The following WDR5 variants were observed in gnomAD, a reference collection of about 807,000 sequenced individuals.
WDR5 encodes the protein WD repeat-containing protein 5.
For synonymous variants in WDR5, 144 were observed against 161.6 expected (o/e 0.89, Z 0.83); for missense variants, 187 against 416.9 (o/e 0.45, Z 4.80).
At chr9:134,154,984 C>T (rs1207632693) in intron 10 of WDR5, among the ~76,000 whole-genome samples, 1 of 152,250 alleles carries the variant, frequency 6.6e-6, no homozygotes, top group Non-Finnish European at 1.5e-5. Flanking sequence ...GGCCCTGATC[C>T]TCTGAGGGCT....
At chr9:134,156,432 A>C in intron 12 of WDR5, 74 bp from the exon 13 acceptor site, 81 of 1,389,874 alleles carry the variant, frequency 5.8e-5, no homozygotes, top group Non-Finnish European at 7.6e-5. Context: ...ATAACTGGAG[A>C]TTCTCTCCCT....
intron 7 of WDR5, among the ~76,000 whole-genome samples, chr9:134,143,504 G>T (rs991372277): frequency 6.6e-6 from 1 of 151,016 alleles, no homozygotes; most frequent in African/African-American, 2.4e-5. Flanking sequence ...TCGCACCACT[G>T]CCTGGGTGAC....
intron 9 of WDR5, 137 bp from the exon 10 acceptor site, chr9:134,154,329 G>A: frequency 1.2e-6 from 1 of 863,800 alleles, no homozygotes. Flanking sequence ...GGCGGCGAGG[G>A]GTGGTGGTGC....
rs1187480741 is a variant in WDR5 at position 134,155,704 on chromosome 9, G to A, written c.753G>A (p.Thr251=). The A allele has an allele frequency of 4.3e-6, 7 of 1,614,124 alleles. No individual in the cohort carries two copies. The highest frequency in any genetic ancestry group is 2.2e-5 in the South Asian group (2 of 91,072). The change falls in exon 12 of 14, where the codon ACG becomes ACA. Residue 251 remains threonine (T), a synonymous_variant. Transcript: ENST00000358625. ...CCCTCCTGTTTCAGTGCCTGAAGACGTACACTGGCCACAAGAATGAGAAAT... is the reference window on the plus strand; with the variant it reads ...CCCTCCTGTTTCAGTGCCTGAAGACATACACTGGCCACAAGAATGAGAAAT... ...WDYSKGKCLK[T]YTGHKNEKYC... is the part of the protein sequence containing the mutation.
chr9:134,149,080 A>T (rs1023104688), intron 8 of WDR5, among the ~76,000 whole-genome samples: 2 of 152,206 alleles, frequency 1.3e-5, no homozygotes, highest in Non-Finnish European at 2.9e-5. Context: ...GACTTCCTGC[A>T]GGGAACCCTC....
chr9:134,142,266 A>C, intron 5 of WDR5, 67 bp from the exon 6 acceptor site: 2 of 1,522,280 alleles, frequency 1.3e-6, no homozygotes, highest in Admixed American at 1.7e-5. Flanking sequence ...GACATTGATG[A>C]ATGTGACCTG....
At chr9:134,156,349 G>T (rs1286928084) in intron 12 of WDR5, among the ~76,000 whole-genome samples, 157 bp from the exon 13 acceptor site, 1 of 152,162 alleles carries the variant, frequency 6.6e-6, no homozygotes, top group Admixed American at 6.5e-5. Flanking sequence ...CTCAGGCCTG[G>T]CTGGAGGGCA....
chr9:134,148,568 G>T (rs111340397), intron 8 of WDR5, among the ~76,000 whole-genome samples: 5 of 151,732 alleles, frequency 3.3e-5, no homozygotes, highest in South Asian at 2.1e-4. Context: ...TGTCCTTGTT[G>T]TTAGGGTGGG....
chr9:134,144,710 C>T (rs1159121677), intron 7 of WDR5, among the ~76,000 whole-genome samples: 4 of 152,014 alleles, frequency 2.6e-5, no homozygotes, highest in South Asian at 2.1e-4. Flanking sequence ...CGTAGTGATG[C>T]GCACGTGTGG....
intron 5 of WDR5, 49 bp from the exon 6 acceptor site, chr9:134,142,283 AC>A (rs773532306): frequency 1.1e-5 from 18 of 1,570,658 alleles, no homozygotes; most frequent in African/African-American, 4.1e-5. Context: ...CCTGACTCTT[AC>A]GTTTGGGGAA....
intron 1 of WDR5, among the ~76,000 whole-genome samples, chr9:134,137,638 C>A (rs898318653): frequency 7.3e-6 from 1 of 137,694 alleles, no homozygotes; most frequent in Non-Finnish European, 1.5e-5. Flanking sequence ...GAGCCCAGAT[C>A]GTGCACCTGG....
intron 10 of WDR5, among the ~76,000 whole-genome samples, chr9:134,155,044 A>T (rs565130561): frequency 6.6e-6 from 1 of 152,276 alleles, no homozygotes; most frequent in East Asian, 1.9e-4. Context: ...AACCAAGAGG[A>T]CTTCCTCACC....
intron 12 of WDR5, 25 bp from the exon 13 acceptor site, chr9:134,156,481 G>C: frequency 1.2e-6 from 2 of 1,612,070 alleles, no homozygotes; most frequent in Admixed American, 1.7e-5. Flanking sequence ...TCCTTGCCCT[G>C]TTTTCCCTGC....
Position 134,157,220 on chromosome 9 carries a change from C to T in WDR5, c.904+627C>T, listed in dbSNP as rs1023789953. Among the ~76,000 whole-genome samples, 4 of 152,254 alleles carry T rather than the reference C, an allele frequency of 2.6e-5. No individual in the cohort carries two copies. Among genetic ancestry groups the T allele is most frequent in the African/African-American group, 9.6e-5 (4 of 41,472 alleles). On this transcript the variant is annotated intron_variant, in intron 13 of 13. Coordinates refer to ENST00000358625, the MANE Select transcript of WDR5 (RefSeq NM_017588.3). This position sits in a 1 kb window ranked among gnomAD's most constrained non-coding sequence, Gnocchi z 5.0. ...TTCTCCCTCCCTGTGAGCAGCTTCACCCAGCCTGGGGTCAGTGCTTACGCT... is the reference window on the plus strand; with the variant it reads ...TTCTCCCTCCCTGTGAGCAGCTTCATCCAGCCTGGGGTCAGTGCTTACGCT...
intron 7 of WDR5, among the ~76,000 whole-genome samples, chr9:134,144,843 A>T (rs1832088728): frequency 6.6e-6 from 1 of 152,116 alleles, no homozygotes; most frequent in Non-Finnish European, 1.5e-5. Context: ...GTCTTAAAAA[A>T]ACCACAAAGG....
chr9:134,155,922 G>A (rs1832723280), intron 12 of WDR5, among the ~76,000 whole-genome samples, 155 bp downstream of exon 12: 1 of 152,266 alleles, frequency 6.6e-6, no homozygotes, highest in Non-Finnish European at 1.5e-5. Flanking sequence ...AAGTACCGGG[G>A]ACACCTTGTC....
chr9:134,142,137 G>A lies in WDR5; in HGVS notation c.354+99G>A, dbSNP rs910010676. ...GACTGCTCAGTAAGCAACACTCAGCGCTCCTCTCCAGGGAAGACTGGCTGC... is the reference window on the plus strand; with the variant it reads ...GACTGCTCAGTAAGCAACACTCAGCACTCCTCTCCAGGGAAGACTGGCTGC... On this transcript the variant is annotated intron_variant, in intron 5 of 13. Transcript: ENST00000358625. The A allele has an allele frequency of 1.9e-5, 17 of 895,322 alleles. No individual in the cohort carries two copies. The East Asian group carries it at 3.6e-4, about 19-fold the overall frequency. The allele number at this position is 895,322 out of a possible 1,614,324, so 55.5% of individuals were successfully genotyped here.
At position 134,142,379 on chromosome 9, in the gene WDR5, G is replaced by T; in HGVS notation, c.401G>T (p.Cys134Phe). The T allele has an allele frequency of 6.2e-7, 1 of 1,614,194 alleles. No homozygotes were observed. The highest frequency in any genetic ancestry group is 8.5e-7 in the Non-Finnish European group (1 of 1,180,032). The change falls in exon 6 of 14, where the codon TGC (cysteine) becomes TTC (phenylalanine). Residue 134 changes from cysteine (C) to phenylalanine (F), a missense_variant. Cys to Phe is a radical substitution (Grantham distance 205). Coordinates refer to ENST00000358625, the MANE Select transcript of WDR5 (RefSeq NM_017588.3). Reference protein sequence around the residue: ...TLKGHSNYVFCCNFNPQSNLI... With the variant: ...TLKGHSNYVFFCNFNPQSNLI... ...AAGGGACACAGTAATTATGTCTTTT[G>T]CTGCAACTTCAATCCCCAGTCCAAC... is the stretch of plus-strand genomic sequence containing the variant.
chr9:134,138,585 C>T (rs560099067), intron 1 of WDR5, among the ~76,000 whole-genome samples: 1 of 152,210 alleles, frequency 6.6e-6, no homozygotes, highest in African/African-American at 2.4e-5. Context: ...CTCTCCCCCT[C>T]TCTTGTACTG....
Sources: gnomAD v4.1 joint callset for allele counts (sites outside exome capture counted in the v4.1 genomes callset) on GRCh38, gnomAD v4.1.1 for gene constraint, Gnocchi (gnomAD v3.1) non-coding constraint, MANE v1.5 for transcripts, NCBI Gene and HGNC (gene_info 2026-07-23, HGNC 2026-07-21) for gene names.